The following VTI1A variants were observed in gnomAD, a reference collection of about 807,000 sequenced individuals.
The protein encoded by VTI1A is vesicle transport through interaction with t-SNAREs 1A.
A neutral mutation model predicts 34.9 loss-of-function variants in VTI1A; 22 were observed. The ratio of observed to expected loss-of-function variants is 0.63; its 90% CI spans 0.45 to 0.90. VTI1A has a LOEUF of 0.90. Ranked by LOEUF, VTI1A falls within the 40% of genes least tolerant of loss-of-function variation. VTI1A has a pLI of 0.00. For missense variants in VTI1A, 268 were observed against 275.6 expected (o/e 0.97, Z 0.20); for synonymous variants, 87 against 97.3 (o/e 0.89, Z 0.62).
intron 5 of VTI1A, among the ~76,000 whole-genome samples, chr10:112,569,560 G>A (rs1306348586): frequency 6.6e-6 from 1 of 152,198 alleles, no homozygotes; most frequent in Non-Finnish European, 1.5e-5. Flanking sequence ...TCAACATGGA[G>A]CCAACTGCCA....
chr10:112,474,534 T>C (rs1030878459), intron 3 of VTI1A, among the ~76,000 whole-genome samples: 15 of 151,724 alleles, frequency 9.9e-5, no homozygotes, highest in African/African-American at 3.1e-4. Flanking sequence ...CAGATCACAG[T>C]AGCCTTGACC....
chr10:112,554,706 G>A (rs1023073297), intron 5 of VTI1A, among the ~76,000 whole-genome samples: 1 of 151,770 alleles, frequency 6.6e-6, no homozygotes, highest in Non-Finnish European at 1.5e-5. Flanking sequence ...TAACTATGAG[G>A]CCTCATGTCT....
At chr10:112,492,253 A>G (rs535638072) in intron 3 of VTI1A, among the ~76,000 whole-genome samples, 1 of 152,330 alleles carries the variant, frequency 6.6e-6, no homozygotes, top group South Asian at 2.1e-4. Context: ...TCAGTAAACC[A>G]TAAACTGAGG....
At chr10:112,566,269 T>C (rs1851900460) in intron 5 of VTI1A, among the ~76,000 whole-genome samples, 1 of 152,166 alleles carries the variant, frequency 6.6e-6, no homozygotes, top group African/African-American at 2.4e-5. Context: ...CTAGCTAACA[T>C]ATAAAAAACT....
intron 7 of VTI1A, among the ~76,000 whole-genome samples, chr10:112,703,965 A>T (rs1849103720): frequency 6.6e-6 from 1 of 152,254 alleles, no homozygotes. Context: ...TGTTAGGTTT[A>T]TTAATGTATT....
At chr10:112,642,860 A>C (rs184606461) in intron 5 of VTI1A, among the ~76,000 whole-genome samples, 64 of 152,264 alleles carry the variant, frequency 4.2e-4, no homozygotes, top group African/African-American at 1.4e-3. Flanking sequence ...AGGAGGGAAA[A>C]ATGTTGCCAG....
At chr10:112,799,703 C>T (rs1434317769) in intron 7 of VTI1A, among the ~76,000 whole-genome samples, 1 of 152,162 alleles carries the variant, frequency 6.6e-6, no homozygotes. Context: ...GCCTAAGAAC[C>T]CAGAGTTCAC....
chr10:112,631,062 G>T (rs928130381), intron 5 of VTI1A, among the ~76,000 whole-genome samples: 1 of 151,998 alleles, frequency 6.6e-6, no homozygotes, highest in African/African-American at 2.4e-5. Context: ...CCGGGAGGTG[G>T]AGGTTGCAGT....
At chr10:112,846,368 G>A in the VTI1A span, among the ~76,000 whole-genome samples, 3 of 152,198 alleles carry the variant, frequency 2.0e-5, no homozygotes, top group African/African-American at 4.8e-5. Context: ...GCACAAGCAC[G>A]CACTGTTGAT....
intron 5 of VTI1A, among the ~76,000 whole-genome samples, chr10:112,555,524 G>A (rs139670247): frequency 1.3e-4 from 20 of 151,892 alleles, no homozygotes; most frequent in Middle Eastern, 3.4e-3. Context: ...TGATTTCCTG[G>A]TTTCTCTAAA....
chr10:112,748,202 T>TA (rs753903037), intron 7 of VTI1A, among the ~76,000 whole-genome samples: 39 of 151,956 alleles, frequency 2.6e-4, no homozygotes, highest in South Asian at 6.3e-4. Context: ...CCCAGACAGG[T>TA]ACCTCCCACG....
At chr10:112,457,733 G>A (rs1358585377) in intron 1 of VTI1A, among the ~76,000 whole-genome samples, 2 of 152,138 alleles carry the variant, frequency 1.3e-5, no homozygotes, top group Non-Finnish European at 2.9e-5. Context: ...TCATAAGAAA[G>A]GCAAGGACTG....
chr10:112,525,216 A>T (rs1373466183), intron 3 of VTI1A, among the ~76,000 whole-genome samples: 2 of 152,072 alleles, frequency 1.3e-5, no homozygotes, highest in Non-Finnish European at 2.9e-5. Context: ...TGAGGACTTG[A>T]CTTCTTTACT....
intron 7 of VTI1A, among the ~76,000 whole-genome samples, chr10:112,764,089 C>T (rs1194903077): frequency 1.3e-5 from 2 of 152,140 alleles, no homozygotes; most frequent in African/African-American, 4.8e-5. Flanking sequence ...TTTAGAGATC[C>T]CCAACAGACT....
chr10:112,779,445 G>C (rs1431861660), intron 7 of VTI1A, among the ~76,000 whole-genome samples: 1 of 152,202 alleles, frequency 6.6e-6, no homozygotes, highest in East Asian at 1.9e-4. Flanking sequence ...AAATAAGTTT[G>C]TTGTGAACAT....
At position 112,470,113 on chromosome 10, in the gene VTI1A, G is replaced by A. The variant is rs374224479; in HGVS notation, c.264+5456G>A. 7.9e-5 allele frequency among the ~76,000 whole-genome samples: 12 copies of A among 152,330 alleles called. No individual in the cohort carries two copies. In the East Asian group the frequency reaches 1.7e-3, roughly 22 times the overall value. On this transcript the variant is annotated intron_variant, in intron 3 of 7. Transcript: ENST00000393077. Reference sequence around the variant, plus strand: ...TTCATCCATTTTGTCCGTGTTCACAGTTGTGTAGAACAGGAGGGTTTGTCT... The same window carrying A: ...TTCATCCATTTTGTCCGTGTTCACAATTGTGTAGAACAGGAGGGTTTGTCT...
the VTI1A span, among the ~76,000 whole-genome samples, chr10:112,854,514 C>G: frequency 6.6e-6 from 1 of 151,828 alleles, no homozygotes; most frequent in Non-Finnish European, 1.5e-5. Flanking sequence ...TGGGCCCCGG[C>G]CGCCCAGAGA....
chr10:112,849,780 G>A, the VTI1A span, among the ~76,000 whole-genome samples: 1 of 152,216 alleles, frequency 6.6e-6, no homozygotes, highest in Non-Finnish European at 1.5e-5. Context: ...GTCGCTGAAT[G>A]CACAATGGCA....
chr10:112,545,950 GTGTGTGTGTATATACGTGTATACACGTA>G (rs1564821266), intron 5 of VTI1A, among the ~76,000 whole-genome samples: 166 of 148,998 alleles, frequency 1.1e-3, no homozygotes, highest in Middle Eastern at 3.5e-3. Flanking sequence ...GCATGTATAT[GTGTGTGTGTATATACGTGTATACACGTA>G]TGTGTGTGTA....
Sources: allele counts gnomAD v4.1 joint callset (sites outside exome capture counted in the v4.1 genomes callset), GRCh38; gene constraint gnomAD v4.1.1; transcripts MANE v1.5; gene names NCBI Gene and HGNC (gene_info 2026-07-23, HGNC 2026-07-21).